The following PTK2 variants were observed in gnomAD, a reference collection of about 807,000 sequenced individuals.
The protein encoded by PTK2 is protein tyrosine kinase 2, also known as focal adhesion kinase 1.
PTK2 carries 45 observed loss-of-function variants against 150.1 expected under a neutral mutation model. The ratio of observed to expected loss-of-function variants is 0.30; its 90% CI spans 0.24 to 0.38. The LOEUF is 0.38. Ranked by LOEUF, PTK2 falls within the 10% of genes least tolerant of loss-of-function variation. The pLI is 1.00. For synonymous variants in PTK2, 432 were observed against 449.2 expected (o/e 0.96, Z 0.48); for missense variants, 919 against 1,307.3 (o/e 0.70, Z 4.58).
rs1051100511 is a variant in PTK2 at position 140,788,368 on chromosome 8, T to C, written c.1177+1106A>G. Reference sequence around the variant, plus strand: ...TCTTGAGTAAGGGCTTATGGGACATTTGTGCACCATTAAAAAAACAAACAA... The same window carrying C: ...TCTTGAGTAAGGGCTTATGGGACATCTGTGCACCATTAAAAAAACAAACAA... On this transcript the variant is annotated intron_variant, in intron 14 of 31. Coordinates refer to ENST00000522684, the Ensembl canonical transcript of PTK2. Among the ~76,000 whole-genome samples the C allele has an allele frequency of 2.0e-5, 3 of 152,010 alleles. No homozygotes were observed. In the South Asian group the frequency reaches 6.2e-4, roughly 32 times the overall value.
chr8:140,897,658 TA>T (rs2154607608), intron 2 of PTK2, among the ~76,000 whole-genome samples: 1 of 152,320 alleles, frequency 6.6e-6, no homozygotes, highest in African/African-American at 2.4e-5. Flanking sequence ...TGGCCTCAAC[TA>T]TAGAATGACA....
chr8:140,962,197 A>T (rs1403330632), intron 1 of PTK2, among the ~76,000 whole-genome samples: 1 of 145,704 alleles, frequency 6.9e-6, no homozygotes, highest in Non-Finnish European at 1.5e-5. Flanking sequence ...TGGGCAACAG[A>T]GCAAGACTCT....
chr8:140,754,556 A>G (rs1371185182), intron 16 of PTK2, among the ~76,000 whole-genome samples: 1 of 152,194 alleles, frequency 6.6e-6, no homozygotes, highest in African/African-American at 2.4e-5. Context: ...AGACCTTAAA[A>G]CCATCATTAA....
chr8:140,667,713 C>A (rs1335413516), intron 30 of PTK2, among the ~76,000 whole-genome samples: 1 of 152,140 alleles, frequency 6.6e-6, no homozygotes, highest in Non-Finnish European at 1.5e-5. Context: ...TATTTTTACT[C>A]TTTTTAAAAG....
intron 29 of PTK2, among the ~76,000 whole-genome samples, chr8:140,672,929 C>T (rs754898240): frequency 7.9e-5 from 12 of 152,150 alleles, no homozygotes; most frequent in Non-Finnish European, 1.6e-4. Flanking sequence ...AGAAATGATA[C>T]CACCACCAGT....
chr8:140,861,908 G>A (rs2100136372), intron 5 of PTK2, among the ~76,000 whole-genome samples: 1 of 152,186 alleles, frequency 6.6e-6, no homozygotes, highest in African/African-American at 2.4e-5. Flanking sequence ...ATCAGGGATA[G>A]ACTGAATTTT....
intron 1 of PTK2, among the ~76,000 whole-genome samples, chr8:140,992,358 T>C (rs2100196059): frequency 6.6e-6 from 1 of 151,328 alleles, no homozygotes. Flanking sequence ...TAGTCCCAGT[T>C]ACTTGGGAGG....
chr8:140,737,339 G>A (rs942488866), intron 21 of PTK2, among the ~76,000 whole-genome samples: 3 of 152,136 alleles, frequency 2.0e-5, no homozygotes, highest in East Asian at 1.9e-4. Context: ...CTGGATTGAA[G>A]TGATCCTCCC....
At chr8:140,830,482 T>C in exon 8 of PTK2, 1 of 1,538,912 alleles carries the variant, frequency 6.5e-7, no homozygotes. Context: ...CTTGACAGAA[T>C]CCAGTAAACT....
At chr8:140,843,001 A>G (rs1051397856) in intron 7 of PTK2, among the ~76,000 whole-genome samples, 3 of 152,064 alleles carry the variant, frequency 2.0e-5, no homozygotes, top group African/African-American at 7.2e-5. Context: ...ATGTATAGCA[A>G]TTCTCATGTT....
chr8:141,000,738 C>A (rs2100199861), intron 1 of PTK2: 2 of 144,450 alleles, frequency 1.4e-5, no homozygotes, highest in African/African-American at 5.2e-5. Context: ...CTTCCCCGAA[C>A]CCCTTGGCCT....
intron 2 of PTK2, among the ~76,000 whole-genome samples, chr8:140,911,808 T>C (rs918931406): frequency 6.6e-6 from 1 of 152,138 alleles, no homozygotes; most frequent in Non-Finnish European, 1.5e-5. Context: ...TCCAACTTAT[T>C]TTATTAGAAC....
intron 15 of PTK2, 175 bp from the exon 19 acceptor site, chr8:140,761,437 G>A (rs1172281115): frequency 3.1e-6 from 2 of 650,864 alleles, no homozygotes; most frequent in Non-Finnish European, 5.5e-6. Flanking sequence ...AGGAATTCAT[G>A]TAATTAGTTA....
chr8:140,882,982 G>T (rs1484723287), intron 3 of PTK2, among the ~76,000 whole-genome samples: 1 of 152,032 alleles, frequency 6.6e-6, no homozygotes, highest in African/African-American at 2.4e-5. Flanking sequence ...ACTTCCACAG[G>T]TATTTTACTG....
chr8:140,959,920 G>C (rs960653198), intron 1 of PTK2, among the ~76,000 whole-genome samples: 1 of 151,730 alleles, frequency 6.6e-6, no homozygotes, highest in African/African-American at 2.4e-5. Flanking sequence ...AAAGGCTGAG[G>C]TGGGAGGATC....
intron 1 of PTK2, among the ~76,000 whole-genome samples, chr8:140,940,402 T>G (rs1162518961): frequency 2.6e-5 from 4 of 151,876 alleles, no homozygotes; most frequent in African/African-American, 9.7e-5. Flanking sequence ...TGAGATGAGA[T>G]AGTGCCACTG....
chr8:140,694,771 A>G (rs1190669708), intron 26 of PTK2, among the ~76,000 whole-genome samples: 1 of 152,188 alleles, frequency 6.6e-6, no homozygotes, highest in African/African-American at 2.4e-5. Context: ...AAGGACCACA[A>G]CGAGATATAA....
intron 12 of PTK2, among the ~76,000 whole-genome samples, chr8:140,799,502 TAC>T (rs1167579878): frequency 1.3e-5 from 2 of 152,194 alleles, no homozygotes; most frequent in African/African-American, 4.8e-5. Context: ...TGAGCTGCTT[TAC>T]AGTTACTCCT....
intron 17 of PTK2, 92 bp downstream of exon 20, chr8:140,752,140 C>A: frequency 1.8e-6 from 2 of 1,129,856 alleles, no homozygotes; most frequent in South Asian, 2.6e-5. Context: ...TCCTAAAAGT[C>A]AAAACACTAT....
Sources: allele counts gnomAD v4.1 joint callset (sites outside exome capture counted in the v4.1 genomes callset), GRCh38; gene constraint gnomAD v4.1.1; transcripts MANE v1.5; gene names NCBI Gene and HGNC (gene_info 2026-07-23, HGNC 2026-07-21).